Variants in KIF21A observed in about 807,000 individuals in gnomAD.
KIF21A encodes the protein kinesin family member 21A.
A neutral mutation model predicts 202.9 loss-of-function variants in KIF21A; 114 were observed. That is an observed-to-expected ratio of 0.56 (90% CI 0.48 to 0.66). The LOEUF is 0.66. KIF21A is among the 30% of genes least tolerant of loss of function. The pLI is 0.00. For synonymous variants in KIF21A, 667 were observed against 670.8 expected, an observed-to-expected ratio of 0.99 and a Z score of 0.09; for missense variants, 1,677 against 1,994.9, an observed-to-expected ratio of 0.84 and a Z score of 3.04.
chr12:39,441,676 A>AAAAAAAAAAAAAAAAAAAAAAAAAAT (rs1041857523), intron 1 of KIF21A, among the ~76,000 whole-genome samples: 1 of 137,314 alleles, frequency 7.3e-6, no homozygotes. Flanking sequence ...AAAAAAAAAA[A>AAAAAAAAAAAAAAAAAAAAAAAAAAT]AAAACACTTA....
chr12:39,311,879 A>C (rs1944066757), intron 31 of KIF21A: 2 of 282,370 alleles, frequency 7.1e-6, no homozygotes, highest in East Asian at 1.5e-4. Flanking sequence ...CTGAATTCTG[A>C]CAAATAAGGA....
intron 10 of KIF21A, among the ~76,000 whole-genome samples, chr12:39,354,146 T>C (rs1463245581): frequency 6.6e-6 from 1 of 152,078 alleles, no homozygotes; most frequent in Non-Finnish European, 1.5e-5. Context: ...CCAACTAACA[T>C]GATATTTAAA....
intron 7 of KIF21A, among the ~76,000 whole-genome samples, chr12:39,359,660 G>T (rs552518289): frequency 9.2e-5 from 14 of 152,118 alleles, no homozygotes; most frequent in Admixed American, 3.9e-4. Context: ...TTAGAGAATA[G>T]AGCAACTTGA....
chr12:39,428,025 C>G (rs1037204732), intron 1 of KIF21A, among the ~76,000 whole-genome samples: 1 of 152,170 alleles, frequency 6.6e-6, no homozygotes, highest in African/African-American at 2.4e-5. Context: ...GAAAACAATT[C>G]AAATATATAA....
At position 39,331,774 on chromosome 12, in the gene KIF21A, C is replaced by T; in HGVS notation, c.3069G>A (p.Leu1023=). 6.2e-7 allele frequency: 1 copy of T among 1,611,760 alleles called. No homozygotes were observed. The highest frequency in any genetic ancestry group is 1.1e-5 in the South Asian group (1 of 91,034). ...MEEAKEEGET[L]DVTAVINACT... ...AGGCATTAATGACTGCAGTAACATC[C>T]AATGTCTCACCTTCTTCCTGTATAA... The change falls in exon 22 of 38, where the codon TTG becomes TTA. Residue 1023 remains leucine, a synonymous_variant. Transcript: ENST00000361418.
Position 39,442,648 on chromosome 12 carries a change from C to A in KIF21A, c.44+279G>T, listed in dbSNP as rs1592781035. ...GAGGGGAGTGACGAGGGCTTTTCCCCCAGAGAAGTCAAGACGCCCCCCAGG... is the reference window on the plus strand; with the variant it reads ...GAGGGGAGTGACGAGGGCTTTTCCCACAGAGAAGTCAAGACGCCCCCCAGG... On this transcript the variant is annotated intron_variant, in intron 1 of 37. Coordinates refer to ENST00000361418, the MANE Select transcript of KIF21A (RefSeq NM_001173464.2). The surrounding 1 kb of genome is among the most constrained non-coding windows in gnomAD (Gnocchi z 5.0). Among the ~76,000 whole-genome samples, 1 of 152,172 alleles carries A rather than the reference C, an allele frequency of 6.6e-6. No homozygotes were observed. The highest frequency in any genetic ancestry group is 1.5e-5 in the Non-Finnish European group (1 of 68,020).
At chr12:39,298,476 T>A (rs916947791) in intron 37 of KIF21A, among the ~76,000 whole-genome samples, 56 of 151,850 alleles carry the variant, frequency 3.7e-4, no homozygotes, top group African/African-American at 1.2e-3. Context: ...CTGACCGGTA[T>A]AGTAGAGAGA....
rs553442198 is a variant in KIF21A at position 39,294,586 on chromosome 12, T to C, written c.4932-69A>G. On this transcript the variant is annotated intron_variant, in intron 37 of 37. Coordinates refer to ENST00000361418, the MANE Select transcript of KIF21A (RefSeq NM_001173464.2). ...AAAGATAAAGAAATAGCTCTTATAA[T>C]TACTTATCATGGAAATATTTTCTAC... is the stretch of plus-strand genomic sequence containing the variant. 203 of 1,150,814 alleles carry C rather than the reference T, an allele frequency of 1.8e-4. 1 individual carries two copies. In the South Asian group the frequency reaches 2.2e-3, roughly 12 times the overall value. The allele number at this position is 1,150,814 out of a possible 1,614,324, so 71.3% of individuals were successfully genotyped here.
At chr12:39,344,289 T>C (rs1180930378) in intron 12 of KIF21A, among the ~76,000 whole-genome samples, 1 of 152,142 alleles carries the variant, frequency 6.6e-6, no homozygotes, top group Non-Finnish European at 1.5e-5. Flanking sequence ...CATCCAATCA[T>C]CAATTAAAAG....
In KIF21A at chr12:39,359,179, G is replaced by A. The variant is rs115529765; in HGVS notation, c.1020-806C>T. 4.0e-3 allele frequency among the ~76,000 whole-genome samples: 614 copies of A among 151,982 alleles called. 5 individuals carry two copies. The highest frequency in any genetic ancestry group is 0.013 in the African/African-American group (534 of 41,454). On this transcript the variant is annotated intron_variant, in intron 7 of 37. Coordinates refer to ENST00000361418, the MANE Select transcript of KIF21A (RefSeq NM_001173464.2). ...TCTCCTGCTTCCAATCTTTTCTTTC[G>A]ACAATAATCTCAACACAGTACTCGT... is the stretch of plus-strand genomic sequence containing the variant.
At chr12:39,359,458 T>C (rs1004157581) in intron 7 of KIF21A, among the ~76,000 whole-genome samples, 15 of 152,224 alleles carry the variant, frequency 9.9e-5, no homozygotes, top group African/African-American at 3.6e-4. Context: ...TCAACTTTTA[T>C]TTATCAGCAT....
At chr12:39,331,954 G>GA in intron 21 of KIF21A, 163 bp from the exon 22 acceptor site, 1 of 706,478 alleles carries the variant, frequency 1.4e-6, no homozygotes, top group Non-Finnish European at 2.5e-6. Context: ...GGGTTTAGTT[G>GA]AAAAGACACA....
At chr12:39,340,402 G>A (rs772422499) in intron 15 of KIF21A, 38 bp from the exon 16 acceptor site, 171 of 1,464,092 alleles carry the variant, frequency 1.2e-4, no homozygotes, top group Non-Finnish European at 1.6e-4. Context: ...GTTTTTTTGT[G>A]AGACACAGAT....
At chr12:39,415,391 C>A (rs1178855915) in intron 1 of KIF21A, among the ~76,000 whole-genome samples, 3 of 151,814 alleles carry the variant, frequency 2.0e-5, no homozygotes, top group African/African-American at 7.3e-5. Flanking sequence ...AGGCGCCCGC[C>A]ACCACGCCCG....
intron 1 of KIF21A, among the ~76,000 whole-genome samples, chr12:39,389,177 C>CAT (rs1419725155): frequency 7.1e-6 from 1 of 140,416 alleles, no homozygotes; most frequent in East Asian, 2.0e-4. Flanking sequence ...AGTAAATACA[C>CAT]ATACACACAC....
intron 37 of KIF21A, among the ~76,000 whole-genome samples, chr12:39,299,529 T>C (rs951696027): frequency 5.9e-5 from 9 of 152,162 alleles, no homozygotes; most frequent in Admixed American, 5.2e-4. Flanking sequence ...TCAACCATTG[T>C]GGAAAGCAGT....
At chr12:39,412,014 T>C (rs1202391739) in intron 1 of KIF21A, among the ~76,000 whole-genome samples, 1 of 151,990 alleles carries the variant, frequency 6.6e-6, no homozygotes, top group African/African-American at 2.4e-5. Context: ...TTTGTAATTT[T>C]TTTTTTGTAG....
At chr12:39,341,783 A>C (rs568468846) in intron 13 of KIF21A, among the ~76,000 whole-genome samples, 161 bp from the exon 14 acceptor site, 1 of 152,186 alleles carries the variant, frequency 6.6e-6, no homozygotes, top group Non-Finnish European at 1.5e-5. Context: ...TTTGTCTTAA[A>C]TCAAAAAGTA....
intron 1 of KIF21A, among the ~76,000 whole-genome samples, chr12:39,418,056 A>C (rs1409077568): frequency 6.6e-6 from 1 of 151,986 alleles, no homozygotes; most frequent in African/African-American, 2.4e-5. Flanking sequence ...AAAAATACAA[A>C]AATTAGTCAA....
Sources: gnomAD v4.1 joint callset for allele counts (sites outside exome capture counted in the v4.1 genomes callset) on GRCh38, gnomAD v4.1.1 for gene constraint, Gnocchi (gnomAD v3.1) non-coding constraint, MANE v1.5 for transcripts, NCBI Gene and HGNC (gene_info 2026-07-23, HGNC 2026-07-21) for gene names.